AK8: variants seen among roughly 807,000 people sequenced by gnomAD.
AK8 encodes adenylate kinase 8, also known as ATP-AMP transphosphorylase 8.
A neutral mutation model predicts 54.6 loss-of-function variants in AK8; 44 were observed. The observed-to-expected ratio is 0.81, with a 90% CI of 0.63 to 1.04. The LOEUF is 1.04. Ranked by LOEUF, AK8 falls within the 50% of genes least tolerant of loss-of-function variation. The probability of loss-of-function intolerance (pLI) is 0.00; values close to 1 mark genes in which losing one functional copy is unlikely to be tolerated. For missense variants in AK8, 555 were observed against 613.6 expected, an observed-to-expected ratio of 0.90 and a Z score of 1.01; for synonymous variants, 239 against 245.6, an observed-to-expected ratio of 0.97 and a Z score of 0.25.
At chr9:132,877,814 C>G (rs1234494188) in intron 1 of AK8, 1 of 528,166 alleles carries the variant, frequency 1.9e-6, no homozygotes, top group Admixed American at 2.2e-5. Flanking sequence ...GCCGGGAGAG[C>G]CCCTGGGAGA....
chr9:132,745,187 T>G (rs1051128548), intron 11 of AK8, among the ~76,000 whole-genome samples: 3 of 152,186 alleles, frequency 2.0e-5, no homozygotes, highest in Admixed American at 6.5e-5. Context: ...CTTATGAATG[T>G]TTACAGGCGA....
At chr9:132,835,944 A>G (rs1842307220) in intron 5 of AK8, among the ~76,000 whole-genome samples, 1 of 152,130 alleles carries the variant, frequency 6.6e-6, no homozygotes. Flanking sequence ...ATCAACATGG[A>G]GAAACCCCGT....
intron 10 of AK8, among the ~76,000 whole-genome samples, chr9:132,811,096 A>G (rs1840984020): frequency 6.6e-6 from 1 of 152,228 alleles, no homozygotes; most frequent in African/African-American, 2.4e-5. Context: ...CAATCATAAG[A>G]CCACAATTAA....
chr9:132,739,910 G>A (rs920421838), intron 11 of AK8, among the ~76,000 whole-genome samples: 4 of 152,350 alleles, frequency 2.6e-5, no homozygotes, highest in African/African-American at 9.6e-5. Flanking sequence ...GCAGAACAAG[G>A]CCCTTACCTT....
At chr9:132,730,437 T>C (rs1224027180) in intron 11 of AK8, among the ~76,000 whole-genome samples, 1 of 8,392 alleles carries the variant, frequency 1.2e-4, no homozygotes, top group Non-Finnish European at 3.4e-4. Flanking sequence ...CCACTGCCTG[T>C]TTTTTTTTTT....
At chr9:132,849,493 G>C (rs148890751) in intron 5 of AK8, among the ~76,000 whole-genome samples, 12 of 152,138 alleles carry the variant, frequency 7.9e-5, no homozygotes. Flanking sequence ...CAGAAAACAT[G>C]TGTCCACCCC....
Position 132,878,280 on chromosome 9 carries a change from C to G in AK8, c.-25G>C. 7.4e-7 allele frequency: 1 copy of G among 1,345,180 alleles called. No individual in the cohort carries two copies. Among genetic ancestry groups the G allele is most frequent in the East Asian group, 2.8e-5 (1 of 35,904 alleles). 83.3% of individuals were successfully genotyped at this position (1,345,180 alleles called of 1,614,324 possible). On this transcript the variant is annotated 5_prime_UTR_variant, in exon 1 of 13. Coordinates refer to ENST00000298545, the MANE Select transcript of AK8 (RefSeq NM_152572.3). This position sits in a 1 kb window ranked among gnomAD's most constrained non-coding sequence, Gnocchi z 4.7. ...TGTAGCCGTCTCGGCTCGCCGCTCCCTAGTAACCGCGTCGCTAGGGCCGCC... is the reference window on the plus strand; with the variant it reads ...TGTAGCCGTCTCGGCTCGCCGCTCCGTAGTAACCGCGTCGCTAGGGCCGCC...
intron 5 of AK8, among the ~76,000 whole-genome samples, chr9:132,846,650 T>C (rs1243417872): frequency 7.2e-5 from 11 of 152,146 alleles, no homozygotes; most frequent in Non-Finnish European, 2.9e-5. Flanking sequence ...TCAGGTGGCA[T>C]GGGGACACGT....
intron 10 of AK8, among the ~76,000 whole-genome samples, chr9:132,800,731 G>A (rs570384591): frequency 2.4e-4 from 36 of 152,204 alleles, no homozygotes; most frequent in Admixed American, 3.3e-4. Flanking sequence ...ATCAGCCCTG[G>A]GTGCCCTGCA....
chr9:132,729,264 C>A (rs1231534181), intron 11 of AK8, among the ~76,000 whole-genome samples: 1 of 152,192 alleles, frequency 6.6e-6, no homozygotes, highest in Non-Finnish European at 1.5e-5. Flanking sequence ...TGTCTGGAGA[C>A]ATGTTTTATT....
At chr9:132,743,252 C>A (rs76731781) in intron 11 of AK8, among the ~76,000 whole-genome samples, 1 of 152,246 alleles carries the variant, frequency 6.6e-6, no homozygotes, top group African/African-American at 2.4e-5. Flanking sequence ...GACCTGCCGT[C>A]GGGCGGCCCC....
rs750651827 is a variant in AK8 at position 132,727,515 on chromosome 9, G to A, written c.1141C>T (p.Pro381Ser). The A allele has an allele frequency of 1.7e-5, 28 of 1,613,766 alleles. No individual in the cohort carries two copies. Among genetic ancestry groups the A allele is most frequent in the African/African-American group, 2.7e-5 (2 of 74,880 alleles). The stretch of plus-strand genomic sequence containing the variant: ...AGCCGCTCCATGATGGAATCAAATG[G>A]CACATTCAGGAAAAACACCCTATAA... The part of the protein sequence containing the change: ...NPNRVFFLNV[P>S]FDSIMERLTL... Residue 381 changes from proline (P) to serine (S), a missense_variant, in exon 12 of 13, where the codon CCA (proline) becomes TCA (serine). Transcript: ENST00000298545.
intron 11 of AK8, among the ~76,000 whole-genome samples, chr9:132,734,805 G>A (rs534841021): frequency 4.6e-5 from 7 of 152,200 alleles, no homozygotes; most frequent in African/African-American, 1.4e-4. Context: ...TGAGATGGAC[G>A]GATCACCTGA....
At chr9:132,820,734 GT>G (rs1216506434) in intron 9 of AK8, among the ~76,000 whole-genome samples, 1 of 152,140 alleles carries the variant, frequency 6.6e-6, no homozygotes, top group Non-Finnish European at 1.5e-5. Context: ...GGGGCTGTCT[GT>G]TTTTTTGTTG....
At chr9:132,813,589 G>A (rs978695859) in intron 10 of AK8, among the ~76,000 whole-genome samples, 69 of 152,266 alleles carry the variant, frequency 4.5e-4, no homozygotes, top group Non-Finnish European at 2.4e-4. Flanking sequence ...CATGTGCAGG[G>A]GAGGAAGGTG....
At chr9:132,830,615 T>G (rs1842069354) in intron 5 of AK8, among the ~76,000 whole-genome samples, 1 of 152,336 alleles carries the variant, frequency 6.6e-6, no homozygotes, top group Non-Finnish European at 1.5e-5. Flanking sequence ...TGGGGTCGCA[T>G]CCTTTTATTT....
chr9:132,765,665 T>C (rs1838697510), intron 11 of AK8, among the ~76,000 whole-genome samples: 2 of 152,096 alleles, frequency 1.3e-5, no homozygotes, highest in Admixed American at 1.3e-4. Flanking sequence ...CAACGAACAA[T>C]GTATAGAAGG....
At chr9:132,751,148 C>G (rs1296564480) in intron 11 of AK8, among the ~76,000 whole-genome samples, 2 of 151,804 alleles carry the variant, frequency 1.3e-5, no homozygotes, top group Non-Finnish European at 2.9e-5. Context: ...CTTTGAGAGG[C>G]CAAGGCAGGC....
chr9:132,744,335 A>G (rs1837535026), intron 11 of AK8, among the ~76,000 whole-genome samples: 1 of 151,942 alleles, frequency 6.6e-6, no homozygotes, highest in Non-Finnish European at 1.5e-5. Flanking sequence ...TTGCAGTGGC[A>G]TCTTCTGAAG....
Sources: allele counts gnomAD v4.1 joint callset (sites outside exome capture counted in the v4.1 genomes callset), GRCh38; gene constraint gnomAD v4.1.1; non-coding constraint Gnocchi (gnomAD v3.1); transcripts MANE v1.5; gene names NCBI Gene and HGNC (gene_info 2026-07-23, HGNC 2026-07-21).